The following FYN variants were observed in gnomAD, a reference collection of about 807,000 sequenced individuals.
FYN encodes the protein tyrosine-protein kinase Fyn.
In FYN, 10 loss-of-function variants were observed where a neutral mutation model predicts 70.2. The observed-to-expected ratio is 0.14, with a 90% CI of 0.09 to 0.24. The LOEUF (loss-of-function observed/expected upper bound fraction) is 0.24. Among genes scored for constraint, FYN ranks in the 10% least tolerant of loss-of-function variants. FYN has a pLI of 1.00. For missense variants in FYN, 319 were observed against 673.1 expected (o/e 0.47, Z 5.82); for synonymous variants, 236 against 248.6 (o/e 0.95, Z 0.48).
At chr6:111,686,383 CGTGT>C (rs1799007403) in intron 12 of FYN, among the ~76,000 whole-genome samples, 2 of 152,140 alleles carry the variant, frequency 1.3e-5, no homozygotes, top group South Asian at 4.1e-4. Flanking sequence ...GCGGGAAAGC[CGTGT>C]CTGACCTCGG....
intron 13 of FYN, among the ~76,000 whole-genome samples, chr6:111,662,554 A>G (rs1372249688): frequency 6.6e-6 from 1 of 152,234 alleles, no homozygotes; most frequent in African/African-American, 2.4e-5. Flanking sequence ...AATAAACTGC[A>G]TCCTTAAAAT....
intron 8 of FYN, among the ~76,000 whole-genome samples, chr6:111,701,372 A>G (rs1799827558): frequency 6.6e-6 from 1 of 152,194 alleles, no homozygotes; most frequent in African/African-American, 2.4e-5. Context: ...CCCCGGACCC[A>G]GGGAAAGCAG....
chr6:111,842,712 C>A (rs1444556645), intron 2 of FYN, among the ~76,000 whole-genome samples: 1 of 152,222 alleles, frequency 6.6e-6, no homozygotes, highest in Non-Finnish European at 1.5e-5. Flanking sequence ...GCGGACATGG[C>A]TTTAAAGCTG....
chr6:111,810,607 G>A (rs1772292596), intron 2 of FYN, among the ~76,000 whole-genome samples: 1 of 152,112 alleles, frequency 6.6e-6, no homozygotes, highest in African/African-American at 2.4e-5. Flanking sequence ...AAGACCTCAG[G>A]AAGCACTAAA....
At chr6:111,703,677 C>T (rs983766903) in intron 7 of FYN, among the ~76,000 whole-genome samples, 1 of 152,172 alleles carries the variant, frequency 6.6e-6, no homozygotes, top group African/African-American at 2.4e-5. Context: ...ACCTGTATGA[C>T]TGGCACCTGA....
intron 9 of FYN, among the ~76,000 whole-genome samples, chr6:111,698,499 T>C (rs1383151158): frequency 6.6e-6 from 1 of 152,186 alleles, no homozygotes; most frequent in Admixed American, 6.5e-5. Flanking sequence ...CAAAGGGTAC[T>C]GATCGATATT....
intron 1 of FYN, among the ~76,000 whole-genome samples, chr6:111,853,399 C>T (rs1369793235): frequency 1.3e-5 from 2 of 150,242 alleles, no homozygotes; most frequent in African/African-American, 2.5e-5. Context: ...CAAATCATCA[C>T]ATCAAGAAAA....
At chr6:111,789,103 C>T (rs939951043) in intron 2 of FYN, among the ~76,000 whole-genome samples, 22 of 152,138 alleles carry the variant, frequency 1.4e-4, no homozygotes, top group Non-Finnish European at 2.9e-4. Context: ...AGGTGCTCAG[C>T]CAGCAGAAAG....
chr6:111,807,576 C>A (rs1478659120), intron 2 of FYN, among the ~76,000 whole-genome samples: 3 of 152,262 alleles, frequency 2.0e-5, no homozygotes, highest in Non-Finnish European at 2.9e-5. Flanking sequence ...GGATCGAGTG[C>A]CCTTTATCTA....
At chr6:111,761,189 G>T (rs1036150654) in intron 3 of FYN, among the ~76,000 whole-genome samples, 1 of 152,326 alleles carries the variant, frequency 6.6e-6, no homozygotes, top group African/African-American at 2.4e-5. Context: ...ACAAGCCAGA[G>T]ACTAGGCAGG....
chr6:111,814,185 A>G (rs1338517611), intron 2 of FYN: 1 of 152,252 alleles, frequency 6.6e-6, no homozygotes, highest in Non-Finnish European at 1.5e-5. Flanking sequence ...ATCGACTTCA[A>G]ACAGTATTCC....
intron 2 of FYN, among the ~76,000 whole-genome samples, chr6:111,840,086 C>G (rs561276096): frequency 6.6e-6 from 1 of 152,128 alleles, no homozygotes; most frequent in African/African-American, 2.4e-5. Context: ...GTGGCCCCTT[C>G]TAAGAAAATT....
At chr6:111,788,018 T>C (rs1771464107) in intron 2 of FYN, among the ~76,000 whole-genome samples, 2 of 152,226 alleles carry the variant, frequency 1.3e-5, no homozygotes, top group Admixed American at 1.3e-4. Context: ...CACTTGTCCC[T>C]CCTCGGAGCC....
Position 111,761,304 on chromosome 6 carries a change from G to A in FYN, c.-12+19262C>T, listed in dbSNP as rs538055350. Among the ~76,000 whole-genome samples, 34 of 152,326 alleles carry A rather than the reference G, an allele frequency of 2.2e-4. 1 individual carries two copies. Among genetic ancestry groups the A allele is most frequent in the African/African-American group, 6.0e-4 (25 of 41,562 alleles). On this transcript the variant is annotated intron_variant, in intron 3 of 13. Transcript: ENST00000354650. ...AAATCTTGCAGCCAGTAATGATGCC[G>A]ATGAGATTCATTCCCAGGTCTGATT...
intron 4 of FYN, among the ~76,000 whole-genome samples, chr6:111,714,873 C>A (rs2128457761): frequency 6.6e-6 from 1 of 152,320 alleles, no homozygotes; most frequent in South Asian, 2.1e-4. Context: ...CACCCTTTCT[C>A]CTGGTAAAAC....
chr6:111,713,199 G>A (rs990398625), intron 5 of FYN, among the ~76,000 whole-genome samples: 1 of 152,128 alleles, frequency 6.6e-6, no homozygotes, highest in South Asian at 2.1e-4. Flanking sequence ...TGTGAGCCAG[G>A]GGGCATTCAA....
chr6:111,681,593 C>T (rs1273624407), intron 12 of FYN, among the ~76,000 whole-genome samples: 1 of 152,204 alleles, frequency 6.6e-6, no homozygotes, highest in Non-Finnish European at 1.5e-5. Context: ...TTCTCTTCAC[C>T]TGCTTAGCTA....
At chr6:111,724,297 G>A (rs1801091455) in intron 3 of FYN, among the ~76,000 whole-genome samples, 1 of 152,078 alleles carries the variant, frequency 6.6e-6, no homozygotes, top group Non-Finnish European at 1.5e-5. Context: ...ACATAGCCCT[G>A]TAGTGATTGA....
intron 5 of FYN, among the ~76,000 whole-genome samples, chr6:111,712,930 C>T (rs1394617378): frequency 4.6e-5 from 7 of 152,038 alleles, no homozygotes; most frequent in African/African-American, 1.2e-4. Flanking sequence ...TACAGTTGAG[C>T]GGCAGTAAGT....
Sources: gnomAD v4.1 joint callset for allele counts (sites outside exome capture counted in the v4.1 genomes callset) on GRCh38, gnomAD v4.1.1 for gene constraint, MANE v1.5 for transcripts, NCBI Gene and HGNC (gene_info 2026-07-23, HGNC 2026-07-21) for gene names.